Variants in NAV3 observed in about 807,000 individuals in gnomAD.
The protein encoded by NAV3 is pore membrane and/or filament interacting like protein 1.
In NAV3, 87 loss-of-function variants were observed where a neutral mutation model predicts 244.7. The ratio of observed to expected loss-of-function variants is 0.36; its 90% CI spans 0.30 to 0.42. NAV3 has a LOEUF of 0.42. NAV3 is among the 20% of genes least tolerant of loss of function. NAV3 has a pLI of 1.00. For synonymous variants in NAV3, 1,126 were observed against 1,042.2 expected (o/e 1.08, Z -1.55); for missense variants, 2,663 against 2,893.3 (o/e 0.92, Z 1.83).
At chr12:77,784,953 G>A (rs1870836693) in intron 2 of NAV3, among the ~76,000 whole-genome samples, 1 of 152,130 alleles carries the variant, frequency 6.6e-6, no homozygotes, top group Non-Finnish European at 1.5e-5. Flanking sequence ...TTCTTGTATG[G>A]CTGGATAAGC....
chr12:77,650,273 G>A (rs1334465107), intron 2 of NAV3, among the ~76,000 whole-genome samples: 1 of 152,150 alleles, frequency 6.6e-6, no homozygotes, highest in Non-Finnish European at 1.5e-5. Context: ...AGAAGCATGG[G>A]ATGTTTTTGA....
At chr12:78,005,245 G>C (rs1238242138) in intron 7 of NAV3, among the ~76,000 whole-genome samples, 1 of 152,182 alleles carries the variant, frequency 6.6e-6, no homozygotes, top group African/African-American at 2.4e-5. Context: ...TTTGGTTTTA[G>C]AGATTATTTG....
chr12:77,817,828 C>A (rs1043001333), intron 2 of NAV3, among the ~76,000 whole-genome samples: 4 of 152,072 alleles, frequency 2.6e-5, no homozygotes, highest in Admixed American at 2.6e-4. Flanking sequence ...TAATTTTAAT[C>A]CTCAAAGGTA....
intron 2 of NAV3, among the ~76,000 whole-genome samples, chr12:77,697,495 C>G (rs768101723): frequency 6.6e-6 from 1 of 152,158 alleles, no homozygotes; most frequent in African/African-American, 2.4e-5. Flanking sequence ...TGTTAATGCG[C>G]TGTTTGTGTG....
chr12:77,815,791 C>T (rs537649137), intron 2 of NAV3, among the ~76,000 whole-genome samples: 19 of 152,218 alleles, frequency 1.2e-4, no homozygotes, highest in Admixed American at 5.2e-4. Flanking sequence ...CAAGTATGAT[C>T]TATCAAAATG....
intron 2 of NAV3, among the ~76,000 whole-genome samples, chr12:77,583,469 A>C (rs774758692): frequency 5.9e-5 from 9 of 152,220 alleles, no homozygotes; most frequent in Admixed American, 6.5e-5. Flanking sequence ...AACAATGTGA[A>C]CTTTGTAATT....
At chr12:78,097,205 G>A (rs1001629634) in intron 12 of NAV3, among the ~76,000 whole-genome samples, 4 of 152,164 alleles carry the variant, frequency 2.6e-5, no homozygotes, top group Non-Finnish European at 5.9e-5. Flanking sequence ...GGTCAGGCAA[G>A]GTCATATCAC....
chr12:78,006,462 C>G lies in NAV3; in HGVS notation c.924C>G (p.Asn308Lys), dbSNP rs539744405. Residue 308 changes from asparagine to lysine, a missense_variant, in exon 8 of 40, where the codon AAC becomes AAG. By Grantham distance (94) the Asn-to-Lys change is moderately conservative (BLOSUM62 0). Around this residue, in one of 6 missense-constraint regions of NAV3, gnomAD observed 1,521 missense variants for 1,497.0 expected, o/e 1.02. Coordinates refer to ENST00000397909, the MANE Select transcript of NAV3 (RefSeq NM_001024383.2). The part of the protein sequence containing the change: ...GPQSSSGVNG[N>K]VQPPSTAGQP... ...AATCGTCTTCAGGTGTAAATGGTAA[C>G]GTGCAGCCTCCCAGTACTGCTGGGC... is the stretch of plus-strand genomic sequence containing the variant. 6.2e-7 allele frequency: 1 copy of G among 1,614,088 alleles called. No homozygotes were observed. The highest frequency in any genetic ancestry group is 1.7e-5 in the Admixed American group (1 of 60,024).
At chr12:77,799,720 A>T (rs1350368151) in intron 2 of NAV3, among the ~76,000 whole-genome samples, 1 of 152,110 alleles carries the variant, frequency 6.6e-6, no homozygotes, top group Non-Finnish European at 1.5e-5. Context: ...GTACAAGCAG[A>T]TGGTGGTGAT....
At chr12:78,114,595 G>A (rs1349051195) in intron 12 of NAV3, among the ~76,000 whole-genome samples, 7 of 152,070 alleles carry the variant, frequency 4.6e-5, no homozygotes, top group Admixed American at 4.6e-4. Flanking sequence ...CTTGAGAACA[G>A]CATGAGGGTA....
chr12:77,608,504 T>C (rs1870769216), intron 2 of NAV3, among the ~76,000 whole-genome samples: 1 of 152,104 alleles, frequency 6.6e-6, no homozygotes, highest in Non-Finnish European at 1.5e-5. Context: ...ATTTTAGATA[T>C]GGAGTTGGGC....
rs114763460 is a variant in NAV3 at position 78,134,116 on chromosome 12, A to G, written c.4442-3061A>G. ...CTAAATTCGATGGATCCTTTTGCAT[A>G]TGGTGATTGTTAAACACCTTTGCAT... On this transcript the variant is annotated intron_variant, in intron 18 of 39. Coordinates refer to ENST00000397909, the MANE Select transcript of NAV3 (RefSeq NM_001024383.2). Among the ~76,000 whole-genome samples, 1,497 of 152,320 alleles carry G rather than the reference A, an allele frequency of 9.8e-3. 21 individuals carry two copies. Among genetic ancestry groups the G allele is most frequent in the African/African-American group, 0.033 (1,373 of 41,576 alleles).
upstream of NAV3, among the ~76,000 whole-genome samples, chr12:77,827,993 A>T (rs978710638): frequency 4.6e-5 from 7 of 152,232 alleles, no homozygotes; most frequent in African/African-American, 1.7e-4. Flanking sequence ...ATTCGCTTAA[A>T]TATGACTCTC....
chr12:77,909,208 A>G (rs1324086268), intron 1 of NAV3, among the ~76,000 whole-genome samples: 1 of 152,126 alleles, frequency 6.6e-6, no homozygotes, highest in Non-Finnish European at 1.5e-5. Context: ...TGATAATTAA[A>G]GATGATAATT....
chr12:78,024,277 C>T (rs994729924), intron 9 of NAV3, among the ~76,000 whole-genome samples: 1 of 152,168 alleles, frequency 6.6e-6, no homozygotes, highest in African/African-American at 2.4e-5. Flanking sequence ...ACATTTAAAT[C>T]TCCACCTATT....
intron 12 of NAV3, among the ~76,000 whole-genome samples, chr12:78,112,196 G>C (rs758576217): frequency 3.3e-5 from 5 of 152,144 alleles, no homozygotes; most frequent in Non-Finnish European, 7.4e-5. Flanking sequence ...CTAGATAATA[G>C]AAAAGAATCA....
rs138070290 is a variant in NAV3, at chr12:77,841,839, A to G, written c.243+10135A>G. 2.4e-3 allele frequency among the ~76,000 whole-genome samples: 359 copies of G among 152,306 alleles called. 1 individual carries two copies. Among genetic ancestry groups the G allele is most frequent in the African/African-American group, 8.3e-3 (343 of 41,568 alleles). ...CTCACCTCTAGCCAGCCATCAGTGA[A>G]AGAGAGAAAATGGAGGATTGCATAA... On this transcript the variant is annotated intron_variant, in intron 1 of 39. Coordinates refer to ENST00000397909, the MANE Select transcript of NAV3 (RefSeq NM_001024383.2).
chr12:77,693,011 G>T (rs189881695), intron 2 of NAV3, among the ~76,000 whole-genome samples: 32 of 152,118 alleles, frequency 2.1e-4, no homozygotes, highest in Admixed American at 7.2e-4. Flanking sequence ...GGATAAAGAC[G>T]GGAACATTCC....
intron 2 of NAV3, among the ~76,000 whole-genome samples, chr12:77,667,639 C>T (rs1006285077): frequency 6.6e-6 from 1 of 152,086 alleles, no homozygotes; most frequent in Non-Finnish European, 1.5e-5. Flanking sequence ...CATACCCATC[C>T]CTGCCCCAAC....
Sources: gnomAD v4.1 joint callset for allele counts (sites outside exome capture counted in the v4.1 genomes callset) on GRCh38, gnomAD v4.1.1 for gene constraint, gnomAD v4.1.1 regional missense constraint, MANE v1.5 for transcripts, NCBI Gene and HGNC (gene_info 2026-07-23, HGNC 2026-07-21) for gene names.